The following NTRK3 variants were observed in gnomAD, a reference collection of about 807,000 sequenced individuals.
NTRK3 encodes neurotrophic receptor tyrosine kinase 3, also known as NT-3 growth factor receptor.
In NTRK3, 24 loss-of-function variants were observed where a neutral mutation model predicts 91.7. The observed-to-expected ratio is 0.26, with a 90% CI of 0.19 to 0.37. The LOEUF (loss-of-function observed/expected upper bound fraction) is 0.37. Among genes scored for constraint, NTRK3 ranks in the 10% least tolerant of loss-of-function variants. The probability of loss-of-function intolerance (pLI) is 1.00; values close to 1 mark genes in which losing one functional copy is unlikely to be tolerated. For synonymous variants in NTRK3, 483 were observed against 404.0 expected, an observed-to-expected ratio of 1.20 and a Z score of -2.34; for missense variants, 880 against 1,068.9, an observed-to-expected ratio of 0.82 and a Z score of 2.46.
chr15:88,012,707 T>C (rs1240064025), intron 14 of NTRK3, among the ~76,000 whole-genome samples: 1 of 152,270 alleles, frequency 6.6e-6, no homozygotes, highest in Non-Finnish European at 1.5e-5. Flanking sequence ...AGTAACTATA[T>C]TGAAGCACTT....
chr15:88,202,794 A>G (rs1329688885), intron 3 of NTRK3, among the ~76,000 whole-genome samples: 1 of 152,226 alleles, frequency 6.6e-6, no homozygotes, highest in Non-Finnish European at 1.5e-5. Context: ...CTTGTTTCCC[A>G]CAAACGTGAG....
intron 13 of NTRK3, among the ~76,000 whole-genome samples, chr15:88,037,747 A>G (rs2079191814): frequency 6.6e-6 from 1 of 152,170 alleles, no homozygotes; most frequent in African/African-American, 2.4e-5. Context: ...TGAGTTGAGG[A>G]GTTAGTTGGA....
intron 5 of NTRK3, among the ~76,000 whole-genome samples, chr15:88,155,804 T>TCATC (rs977003742): frequency 1.4e-5 from 2 of 138,264 alleles, no homozygotes; most frequent in Non-Finnish European, 3.1e-5. Context: ...TTGTAATCTA[T>TCATC]CATCTATCTA....
At position 87,995,528 on chromosome 15, in the gene NTRK3, G is replaced by C. The variant is rs1596581962; in HGVS notation, c.1585+37329C>G. Among the ~76,000 whole-genome samples the C allele has an allele frequency of 2.6e-5, 4 of 152,210 alleles. No individual in the cohort carries two copies. In the South Asian group the frequency reaches 8.3e-4, roughly 31 times the overall value. On this transcript the variant is annotated intron_variant, in intron 14 of 18. Coordinates refer to ENST00000394480, the Ensembl canonical transcript of NTRK3. Reference sequence around the variant, plus strand: ...CAAGACACACTTGGGGAAGTGCAAGGAGTTCCTATTAATAAATGGAAATGA... The same window carrying C: ...CAAGACACACTTGGGGAAGTGCAAGCAGTTCCTATTAATAAATGGAAATGA...
At chr15:88,038,170 G>A (rs572987451) in intron 13 of NTRK3, among the ~76,000 whole-genome samples, 30 of 152,310 alleles carry the variant, frequency 2.0e-4, no homozygotes, top group African/African-American at 7.0e-4. Flanking sequence ...ATGGGAGTGA[G>A]TCACCTCATT....
chr15:87,868,791 T>A (rs1259649268), exon 19 of NTRK3: 3 of 223,900 alleles, frequency 1.3e-5, no homozygotes, highest in Non-Finnish European at 2.7e-5. Flanking sequence ...GACAAACCAG[T>A]GCTTAGAAAA....
At chr15:88,107,577 T>G (rs1326231212) in intron 13 of NTRK3, among the ~76,000 whole-genome samples, 1 of 152,102 alleles carries the variant, frequency 6.6e-6, no homozygotes, top group Non-Finnish European at 1.5e-5. Context: ...GGACTCTGTC[T>G]CCAAACTTCA....
chr15:88,246,699 C>T (rs2052859267), intron 3 of NTRK3, among the ~76,000 whole-genome samples: 1 of 152,226 alleles, frequency 6.6e-6, no homozygotes, highest in African/African-American at 2.4e-5. Context: ...GGCTTTCCTC[C>T]ATCCAATGCA....
chr15:87,941,478 C>G (rs1398614757), intron 14 of NTRK3, among the ~76,000 whole-genome samples: 1 of 151,422 alleles, frequency 6.6e-6, no homozygotes, highest in South Asian at 2.1e-4. Context: ...CACATACACA[C>G]ACACACACAC....
intron 5 of NTRK3, among the ~76,000 whole-genome samples, chr15:88,167,741 G>A (rs1402915645): frequency 1.3e-5 from 2 of 152,078 alleles, no homozygotes; most frequent in Non-Finnish European, 2.9e-5. Flanking sequence ...CAGGCCCCAA[G>A]CAGATGCATC....
At chr15:88,247,215 G>A (rs2052923187) in intron 3 of NTRK3, among the ~76,000 whole-genome samples, 1 of 152,108 alleles carries the variant, frequency 6.6e-6, no homozygotes, top group Admixed American at 6.6e-5. Context: ...CCTCTTCTCT[G>A]CAGCACTCTA....
intron 14 of NTRK3, among the ~76,000 whole-genome samples, chr15:87,969,137 C>T (rs775631176): frequency 1.3e-5 from 2 of 152,066 alleles, no homozygotes; most frequent in South Asian, 2.1e-4. Context: ...TCAGAGGGAA[C>T]GAATGAGAGA....
At chr15:88,200,246 G>C (rs1205947436) in intron 3 of NTRK3, among the ~76,000 whole-genome samples, 1 of 152,220 alleles carries the variant, frequency 6.6e-6, no homozygotes, top group Non-Finnish European at 1.5e-5. Flanking sequence ...TTTACTCAGT[G>C]GGTTCAACTT....
At chr15:87,962,531 C>T (rs1229427425) in intron 14 of NTRK3, among the ~76,000 whole-genome samples, 1 of 152,212 alleles carries the variant, frequency 6.6e-6, no homozygotes, top group Admixed American at 6.5e-5. Context: ...TTTAGATAAT[C>T]TCACTAGCAA....
At position 88,234,188 on chromosome 15, in the gene NTRK3, C is replaced by A. The variant is rs1343669639; in HGVS notation, c.248+21718G>T. The stretch of plus-strand genomic sequence containing the variant: ...GCACCCTAGTCCAATCACATCTGCC[C>A]CTCTCAGGATCCAAGGTTGTCTCTC... On this transcript the variant is annotated intron_variant, in intron 3 of 18. Coordinates refer to ENST00000394480, the Ensembl canonical transcript of NTRK3. The surrounding 1 kb of genome is among the most constrained non-coding windows in gnomAD (Gnocchi z 6.1). Among the ~76,000 whole-genome samples the A allele has an allele frequency of 2.6e-5, 4 of 152,060 alleles. No individual in the cohort carries two copies. The highest frequency in any genetic ancestry group is 5.9e-5 in the Non-Finnish European group (4 of 67,998).
chr15:88,118,267 T>C lies in NTRK3; in HGVS notation c.1396+8004A>G, dbSNP rs112118734. On this transcript the variant is annotated intron_variant, in intron 13 of 18. Coordinates refer to ENST00000394480, the Ensembl canonical transcript of NTRK3. ...GCGGGTCTTGGGTACTGCAGCCACA[T>C]GACAGCTTCTCATTAGCCAAAGCCT... Among the ~76,000 whole-genome samples the C allele has an allele frequency of 7.4e-3, 1,125 of 152,294 alleles. 16 individuals carry two copies. The highest frequency in any genetic ancestry group is 0.026 in the African/African-American group (1,064 of 41,550).
At chr15:87,931,362 T>C (rs1459224946) in intron 16 of NTRK3, 1 of 364,184 alleles carries the variant, frequency 2.7e-6, no homozygotes, top group Admixed American at 3.7e-5. Flanking sequence ...GAAGCTACCA[T>C]GGTTCACAAT....
chr15:87,932,094 G>C (rs75003125), intron 16 of NTRK3, among the ~76,000 whole-genome samples: 2,821 of 152,290 alleles, frequency 0.019, 75 homozygotes, highest in African/African-American at 0.057. Context: ...TCCTAACTCT[G>C]CAATAGATGC....
rs532890522 is a variant in NTRK3 at position 87,896,741 on chromosome 15, C to T, written c.2134-16313G>A. ...GATACATGTCCATCTGTGGCCTCGCCCCAGTTATGGAAACCCCACAGATGA... is the reference window on the plus strand; with the variant it reads ...GATACATGTCCATCTGTGGCCTCGCTCCAGTTATGGAAACCCCACAGATGA... On this transcript the variant is annotated intron_variant, in intron 17 of 18. Transcript: ENST00000394480. 8.5e-5 allele frequency among the ~76,000 whole-genome samples: 13 copies of T among 152,158 alleles called. 1 individual carries two copies. The South Asian group carries it at 2.7e-3, about 32-fold the overall frequency.
Sources: allele counts gnomAD v4.1 joint callset (sites outside exome capture counted in the v4.1 genomes callset), GRCh38; gene constraint gnomAD v4.1.1; non-coding constraint Gnocchi (gnomAD v3.1); transcripts MANE v1.5; gene names NCBI Gene and HGNC (gene_info 2026-07-23, HGNC 2026-07-21).